ACTR2: variants seen among roughly 807,000 people sequenced by gnomAD.
The protein encoded by ACTR2 is actin related protein 2, also known as actin-related protein 2.
ACTR2 carries 5 observed loss-of-function variants against 50.2 expected under a neutral mutation model. That is an observed-to-expected ratio of 0.10 (90% CI 0.05 to 0.21). ACTR2 has a LOEUF of 0.21. Among genes scored for constraint, ACTR2 ranks in the 10% least tolerant of loss-of-function variants. The pLI is 1.00. For synonymous variants in ACTR2, 140 were observed against 162.9 expected (o/e 0.86, Z 1.07); for missense variants, 180 against 480.6 (o/e 0.37, Z 5.85).
chr2:65,240,722 AGTT>A (rs1246802624), intron 2 of ACTR2, among the ~76,000 whole-genome samples: 2 of 152,238 alleles, frequency 1.3e-5, no homozygotes, highest in Non-Finnish European at 2.9e-5. Flanking sequence ...TGAAGGATCA[AGTT>A]ATACAGAATG....
chr2:65,233,001 T>G (rs983910810), intron 1 of ACTR2, among the ~76,000 whole-genome samples: 2 of 151,840 alleles, frequency 1.3e-5, no homozygotes, highest in Non-Finnish European at 2.9e-5. Context: ...GGTTTAGTTT[T>G]TTTTTTTTTT....
At chr2:65,237,885 C>T (rs1212802699) in intron 1 of ACTR2, among the ~76,000 whole-genome samples, 1 of 152,090 alleles carries the variant, frequency 6.6e-6, no homozygotes, top group Non-Finnish European at 1.5e-5. Flanking sequence ...AAGGCTGAGG[C>T]ACGAGAATCA....
At chr2:65,253,209 G>A (rs1247313106) in intron 4 of ACTR2, among the ~76,000 whole-genome samples, 2 of 152,186 alleles carry the variant, frequency 1.3e-5, no homozygotes, top group Non-Finnish European at 2.9e-5. Context: ...AGAGGCCAAG[G>A]CAGACAGATC....
intron 7 of ACTR2, 46 bp downstream of exon 7, chr2:65,261,438 T>G: frequency 1.3e-6 from 2 of 1,530,660 alleles, no homozygotes; most frequent in South Asian, 1.2e-5. Flanking sequence ...AGAAAAATCA[T>G]AAAAATAGTT....
rs1275611492 is a variant in ACTR2 at position 65,269,188 on chromosome 2, C to T, written c.*454C>T. 2 of 153,472 alleles carry T rather than the reference C, an allele frequency of 1.3e-5. No individual in the cohort carries two copies. Among genetic ancestry groups the T allele is most frequent in the East Asian group, 3.8e-4 (2 of 5,206 alleles). 9.5% of individuals were successfully genotyped at this position (153,472 alleles called of 1,614,324 possible). ...AGCTGCTGAACCCTTTAGGGCATTT[C>T]CTCTGTAATGTGGCGCTTTCAACTG... On this transcript the variant is annotated 3_prime_UTR_variant, in exon 9 of 9. Transcript: ENST00000260641.
intron 1 of ACTR2, among the ~76,000 whole-genome samples, chr2:65,230,801 C>G (rs995494735): frequency 6.6e-6 from 1 of 151,926 alleles, no homozygotes; most frequent in African/African-American, 2.4e-5. Flanking sequence ...TGCCTGTAAT[C>G]CCAGCACTTT....
intron 1 of ACTR2, among the ~76,000 whole-genome samples, chr2:65,238,484 C>A (rs111665162): frequency 0.16 from 23,851 of 149,228 alleles, 2,716 homozygotes; most frequent in African/African-American, 0.32. Flanking sequence ...ACAGTGAAAC[C>A]CCGTCTCTAC....
intron 6 of ACTR2, 59 bp downstream of exon 6, chr2:65,255,753 G>T (rs1310128530): frequency 2.7e-6 from 4 of 1,468,602 alleles, no homozygotes; most frequent in Admixed American, 2.0e-5. Context: ...ATGATTATTG[G>T]TGTCAGCTTA....
At chr2:65,254,965 T>C (rs1672120435) in intron 5 of ACTR2, among the ~76,000 whole-genome samples, 2 of 152,164 alleles carry the variant, frequency 1.3e-5, no homozygotes, top group Non-Finnish European at 2.9e-5. Context: ...TAAAGTCTAG[T>C]AATTTTTTTT....
intron 6 of ACTR2, among the ~76,000 whole-genome samples, chr2:65,258,888 T>C (rs2104014243): frequency 6.6e-6 from 1 of 152,286 alleles, no homozygotes; most frequent in South Asian, 2.1e-4. Context: ...GTGAAGTTTT[T>C]CCAGATATTT....
chr2:65,259,149 C>A (rs1016179632), intron 6 of ACTR2, among the ~76,000 whole-genome samples: 1 of 151,882 alleles, frequency 6.6e-6, no homozygotes. Flanking sequence ...ATTGGCCAGG[C>A]GCGGTGGCTC....
intron 6 of ACTR2, among the ~76,000 whole-genome samples, chr2:65,260,111 T>A (rs1230796843): frequency 6.6e-6 from 1 of 152,246 alleles, no homozygotes; most frequent in Non-Finnish European, 1.5e-5. Context: ...ATAAGACATT[T>A]TTTGGATTAA....
chr2:65,264,981 A>T (rs1382299509), intron 7 of ACTR2, 62 bp from the exon 8 acceptor site: 13 of 1,589,064 alleles, frequency 8.2e-6, no homozygotes, highest in Middle Eastern at 3.6e-4. Flanking sequence ...AAGTAACAGT[A>T]ACCCTGAGAT....
intron 1 of ACTR2, among the ~76,000 whole-genome samples, chr2:65,234,714 C>T (rs986227806): frequency 2.0e-5 from 3 of 152,136 alleles, no homozygotes; most frequent in Non-Finnish European, 4.4e-5. Flanking sequence ...ATGCTCCATC[C>T]CAGGCTCCTC....
At chr2:65,267,102 G>A (rs1401943755) in intron 8 of ACTR2, among the ~76,000 whole-genome samples, 1 of 152,220 alleles carries the variant, frequency 6.6e-6, no homozygotes, top group Non-Finnish European at 1.5e-5. Context: ...CAGAAGCAGT[G>A]TCTTCAGGGG....
chr2:65,228,185 C>A, intron 1 of ACTR2: 1 of 409,652 alleles, frequency 2.4e-6, no homozygotes, highest in Non-Finnish European at 4.2e-6. Context: ...CGGGTGGGGG[C>A]GGCGGGCGAG....
At chr2:65,228,010 C>T in intron 1 of ACTR2, 53 bp downstream of exon 1, 2 of 1,463,930 alleles carry the variant, frequency 1.4e-6, no homozygotes, top group Non-Finnish European at 1.8e-6. Context: ...CGGGGACGAG[C>T]AGCTGGCGCA....
At chr2:65,260,708 A>T (rs963273044) in intron 6 of ACTR2, among the ~76,000 whole-genome samples, 1 of 149,312 alleles carries the variant, frequency 6.7e-6, no homozygotes, top group Admixed American at 6.6e-5. Context: ...GAAATTCCTG[A>T]TATTTGGGGG....
chr2:65,246,372 T>C (rs1156542057), intron 2 of ACTR2, 152 bp from the exon 3 acceptor site: 2 of 599,238 alleles, frequency 3.3e-6, no homozygotes, highest in African/African-American at 1.9e-5. Context: ...GATTAAACTT[T>C]CTAAGACATT....
Sources: allele counts gnomAD v4.1 joint callset (sites outside exome capture counted in the v4.1 genomes callset), GRCh38; gene constraint gnomAD v4.1.1; transcripts MANE v1.5; gene names NCBI Gene and HGNC (gene_info 2026-07-23, HGNC 2026-07-21).